The following HMCN1 variants were observed in gnomAD, a reference collection of about 807,000 sequenced individuals.
HMCN1 encodes hemicentin 1.
A neutral mutation model predicts 625.9 loss-of-function variants in HMCN1; 321 were observed. That is an observed-to-expected ratio of 0.51 (90% CI 0.47 to 0.56). The LOEUF (loss-of-function observed/expected upper bound fraction) is 0.56. Among genes scored for constraint, HMCN1 ranks in the 20% least tolerant of loss-of-function variants. The pLI is 0.00. For missense variants in HMCN1, 6,588 were observed against 6,887.3 expected (o/e 0.96, Z 1.54); for synonymous variants, 2,425 against 2,417.6 (o/e 1.00, Z -0.09).
intron 80 of HMCN1, 32 bp from the exon 81 acceptor site, chr1:186,122,919 A>G (rs1472570131): frequency 6.2e-7 from 1 of 1,608,146 alleles, no homozygotes; most frequent in Non-Finnish European, 8.5e-7. Flanking sequence ...TCTAAGATAA[A>G]GTTTGAACTT....
intron 34 of HMCN1, 143 bp downstream of exon 34, chr1:186,018,495 G>A (rs1654512077): frequency 1.2e-6 from 1 of 866,020 alleles, no homozygotes; most frequent in African/African-American, 1.7e-5. Context: ...TCAGTTGTAT[G>A]CCAGAATTTT....
chr1:186,085,979 G>A (rs186134910), intron 57 of HMCN1, among the ~76,000 whole-genome samples: 10 of 152,148 alleles, frequency 6.6e-5, no homozygotes, highest in Non-Finnish European at 5.9e-5. Context: ...TGACAAAATC[G>A]TCTTAGGAAT....
chr1:186,133,466 AT>A (rs1216699685), intron 86 of HMCN1, among the ~76,000 whole-genome samples: 1 of 152,190 alleles, frequency 6.6e-6, no homozygotes, highest in African/African-American at 2.4e-5. Flanking sequence ...AGCATCCATA[AT>A]TGGATAAACA....
In HMCN1 at chr1:185,909,449, A is replaced by G; in HGVS notation, c.734A>G (p.Lys245Arg). Residue 245 changes from lysine (K) to arginine (R), a missense_variant, in exon 5 of 107, where the codon AAA becomes AGA. Coordinates refer to ENST00000271588, the MANE Select transcript of HMCN1 (RefSeq NM_031935.3). ...TWRIPFDPSL[K>R]EVTVSLSGPS... ...AGAATTCCTTTTGATCCCAGCCTGA[A>G]AGAGGTCACTGTGTCTTTGAGTGGG... The G allele has an allele frequency of 6.2e-7, 1 of 1,613,688 alleles. No homozygotes were observed. The highest frequency in any genetic ancestry group is 1.3e-5 in the African/African-American group (1 of 75,020).
At chr1:185,819,014 G>T (rs539138906) in intron 1 of HMCN1, among the ~76,000 whole-genome samples, 4 of 151,528 alleles carry the variant, frequency 2.6e-5, no homozygotes, top group Admixed American at 2.0e-4. Context: ...TGAGGCGGGC[G>T]GATCACAAGG....
chr1:186,099,058 TAGAA>T (rs938391107), intron 68 of HMCN1, among the ~76,000 whole-genome samples: 17 of 152,146 alleles, frequency 1.1e-4, no homozygotes, highest in African/African-American at 4.1e-4. Context: ...AAGTTACAAT[TAGAA>T]AGGAAGAATG....
At chr1:185,784,159 AG>A (rs1480464084) in intron 1 of HMCN1, among the ~76,000 whole-genome samples, 3 of 152,256 alleles carry the variant, frequency 2.0e-5, no homozygotes, top group Non-Finnish European at 4.4e-5. Flanking sequence ...AGCCAGGCAC[AG>A]GATGTAATCT....
intron 30 of HMCN1, among the ~76,000 whole-genome samples, chr1:186,011,483 A>G (rs1403346530): frequency 4.6e-5 from 7 of 152,228 alleles, no homozygotes; most frequent in African/African-American, 1.7e-4. Flanking sequence ...AAGGCATTAC[A>G]GAATGTTGTT....
rs533111130 is a variant in HMCN1 at position 186,061,866 on chromosome 1, G to A, written c.7328G>A (p.Arg2443Gln). 47 of 1,611,496 alleles carry A rather than the reference G, an allele frequency of 2.9e-5. No individual in the cohort carries two copies. Among genetic ancestry groups the A allele is most frequent in the Admixed American group, 6.7e-5 (4 of 59,950 alleles). ...VRILSGGRML[R>Q]LMQTTMEDAG... ...GCTTCTGCAGGAGGCAGGATGCTAC[G>A]GCTGATGCAGACCACAATGGAAGAT... Residue 2443 changes from arginine to glutamine, a missense_variant, in exon 47 of 107, where the codon CGG becomes CAG. Coordinates refer to ENST00000271588, the MANE Select transcript of HMCN1 (RefSeq NM_031935.3).
At chr1:186,017,918 A>G (rs531436104) in intron 33 of HMCN1, among the ~76,000 whole-genome samples, 30 of 152,062 alleles carry the variant, frequency 2.0e-4, no homozygotes, top group African/African-American at 7.2e-4. Context: ...CCTTTGTATT[A>G]CAAACAATCC....
intron 89 of HMCN1, among the ~76,000 whole-genome samples, chr1:186,141,570 A>T (rs151136788): frequency 2.6e-3 from 401 of 152,336 alleles, no homozygotes; most frequent in African/African-American, 9.0e-3. Context: ...TCATTAAAAT[A>T]CATATATAGC....
rs992644314 is a variant in HMCN1 at position 185,889,028 on chromosome 1, C to A, written c.622-20309C>A. On this transcript the variant is annotated intron_variant, in intron 4 of 106. Transcript: ENST00000271588. ...TCTCCTTGAAGAGGTCCTTCACATC[C>A]CTTGTAAGTTGGATTCCTAGGTATT... is the stretch of plus-strand genomic sequence containing the variant. 5.5e-5 allele frequency among the ~76,000 whole-genome samples: 8 copies of A among 144,454 alleles called. 1 individual carries two copies. The highest frequency in any genetic ancestry group is 2.3e-4 in the African/African-American group (8 of 35,080). 94.8% of individuals were successfully genotyped at this position (144,454 alleles called of 152,430 possible). A position where few individuals can be genotyped will look rare whatever the true frequency, so the allele number is the denominator to read the frequency against.
chr1:185,751,367 G>C (rs1215739994), intron 1 of HMCN1, among the ~76,000 whole-genome samples: 1 of 151,866 alleles, frequency 6.6e-6, no homozygotes. Flanking sequence ...TTGATGAAAA[G>C]TCTTCTCTTA....
Position 186,113,987 on chromosome 1 carries a change from A to G in HMCN1, c.11140A>G (p.Asn3714Asp), listed in dbSNP as rs1661008710. ...GTGTATCTCTTGTTCAGTTCCTCCA[A>G]ACATAAAGGGGGGCCCCCAGAGCCT... ...EFILTVNVPPNIKGGPQSLVI... is the reference protein window; with the variant it reads ...EFILTVNVPPDIKGGPQSLVI... The change falls in exon 73 of 107, where the codon AAC becomes GAC. Residue 3714 changes from asparagine to aspartate, a missense_variant. Asn to Asp is a conservative substitution (Grantham distance 23). Transcript: ENST00000271588. 2 of 1,613,976 alleles carry G rather than the reference A, an allele frequency of 1.2e-6. No individual in the cohort carries two copies. The highest frequency in any genetic ancestry group is 2.2e-5 in the South Asian group (2 of 91,080).
At chr1:185,892,822 G>T (rs1665204444) in intron 4 of HMCN1, among the ~76,000 whole-genome samples, 1 of 152,190 alleles carries the variant, frequency 6.6e-6, no homozygotes, top group African/African-American at 2.4e-5. Context: ...GCCTCCTTGA[G>T]CTGTGGTGGG....
intron 10 of HMCN1, among the ~76,000 whole-genome samples, chr1:185,930,178 T>G (rs1280899870): frequency 6.6e-6 from 1 of 152,172 alleles, no homozygotes; most frequent in Non-Finnish European, 1.5e-5. Flanking sequence ...ACTAGGAAAT[T>G]GTACTGTGCC....
At chr1:186,078,420 C>T (rs989346751) in intron 55 of HMCN1, among the ~76,000 whole-genome samples, 200 bp downstream of exon 55, 15 of 152,070 alleles carry the variant, frequency 9.9e-5, no homozygotes, top group African/African-American at 3.4e-4. Context: ...AACAAACTGA[C>T]TTAAATGAAA....
chr1:185,870,023 T>G (rs904179199), intron 4 of HMCN1, among the ~76,000 whole-genome samples: 2 of 147,522 alleles, frequency 1.4e-5, no homozygotes, highest in Non-Finnish European at 3.0e-5. Context: ...TGCGTTCTGT[T>G]TTTTTTTTTT....
At chr1:186,157,425 G>A (rs1651095549) in intron 97 of HMCN1, among the ~76,000 whole-genome samples, 1 of 152,176 alleles carries the variant, frequency 6.6e-6, no homozygotes, top group Non-Finnish European at 1.5e-5. Flanking sequence ...TGGACAGAAA[G>A]AAGTAGTTGT....
Sources: allele counts gnomAD v4.1 joint callset (sites outside exome capture counted in the v4.1 genomes callset), GRCh38; gene constraint gnomAD v4.1.1; transcripts MANE v1.5; gene names NCBI Gene and HGNC (gene_info 2026-07-23, HGNC 2026-07-21).